Variants in WDR27 observed in about 807,000 individuals in gnomAD.
WDR27 encodes the protein WD repeat-containing protein 27.
WDR27 carries 100 observed loss-of-function variants against 114.4 expected under a neutral mutation model. The observed-to-expected ratio is 0.87, with a 90% CI of 0.74 to 1.03. The LOEUF is 1.03. Ranked by LOEUF, WDR27 falls within the 50% of genes least tolerant of loss-of-function variation. The probability of loss-of-function intolerance (pLI) is 0.00; values close to 1 mark genes in which losing one functional copy is unlikely to be tolerated. For missense variants in WDR27, 1,129 were observed against 1,092.9 expected, an observed-to-expected ratio of 1.03 and a Z score of -0.47; for synonymous variants, 449 against 423.1, an observed-to-expected ratio of 1.06 and a Z score of -0.75.
chr6:169,681,633 C>T (rs999078518), intron 2 of WDR27, among the ~76,000 whole-genome samples: 1 of 152,226 alleles, frequency 6.6e-6, no homozygotes, highest in Non-Finnish European at 1.5e-5. Context: ...GGCTCATCTG[C>T]CTGTTGACAA....
In WDR27 at chr6:169,580,933, T is replaced by TTATATATATA. The variant is rs1220748162; in HGVS notation, c.2523+1893_2523+1902dup. Among the ~76,000 whole-genome samples, 128 of 53,656 alleles carry TTATATATATA rather than the reference T, an allele frequency of 2.4e-3. 3 individuals are homozygous for TTATATATATA. In the East Asian group the frequency reaches 0.035, roughly 15 times the overall value. 35.2% of individuals were successfully genotyped at this position (53,656 alleles called of 152,430 possible). ...TTAAAAATAAGGAACTTAGTGAATT[T>TTATATATATA]TATATATATATATATATATACATAT... On this transcript the variant is annotated intron_variant, in intron 24 of 25. Coordinates refer to ENST00000448612, the MANE Select transcript of WDR27 (RefSeq NM_182552.5).
chr6:169,548,712 A>C (rs1797749015), intron 25 of WDR27, among the ~76,000 whole-genome samples: 1 of 152,208 alleles, frequency 6.6e-6, no homozygotes, highest in Admixed American at 6.5e-5. Flanking sequence ...CAAACAGAAC[A>C]ATGGAACAGA....
chr6:169,513,807 CTGCCAATCCCTG>C (rs1430056859), intron 25 of WDR27, among the ~76,000 whole-genome samples: 1 of 151,728 alleles, frequency 6.6e-6, no homozygotes, highest in Non-Finnish European at 1.5e-5. Context: ...CTGTCTACCT[CTGCCAATCCCTG>C]TGCCAATAGA....
chr6:169,669,864 T>A (rs1297131058), intron 4 of WDR27: 1 of 152,156 alleles, frequency 6.6e-6, no homozygotes, highest in Non-Finnish European at 1.5e-5. Context: ...ATGAGGCCCA[T>A]GAGAACCAAT....
At chr6:169,517,974 C>G (rs935572132) in intron 25 of WDR27, among the ~76,000 whole-genome samples, 1 of 152,182 alleles carries the variant, frequency 6.6e-6, no homozygotes. Context: ...AACTTTGAAA[C>G]CCAGCAAGGC....
Position 169,658,052 on chromosome 6 carries a change from T to C in WDR27, c.1402+224A>G, listed in dbSNP as rs1824747811. 6.6e-6 allele frequency: 3 copies of C among 454,622 alleles called. No homozygotes were observed. The Admixed American group carries it at 8.9e-5, about 14-fold the overall frequency. 28.2% of individuals were successfully genotyped at this position (454,622 alleles called of 1,614,324 possible). A position where few individuals can be genotyped will look rare whatever the true frequency, so the allele number is the denominator to read the frequency against. ...GGTCAGTCTTGGGCACGTTGCTGAATCCCATGAGTGATGGCCAATTCAGGA... is the reference window on the plus strand; with the variant it reads ...GGTCAGTCTTGGGCACGTTGCTGAACCCCATGAGTGATGGCCAATTCAGGA... On this transcript the variant is annotated intron_variant, in intron 13 of 25. Transcript: ENST00000448612.
intron 9 of WDR27, 136 bp downstream of exon 9, chr6:169,662,168 G>T: frequency 1.1e-6 from 1 of 887,932 alleles, no homozygotes. Context: ...GCAATCCCAA[G>T]AATGAAGTTA....
chr6:169,562,852 G>A (rs895683701), intron 25 of WDR27, among the ~76,000 whole-genome samples: 6 of 152,296 alleles, frequency 3.9e-5, no homozygotes, highest in East Asian at 3.9e-4. Flanking sequence ...GCTTGCAGGA[G>A]GGCTCCACGG....
At chr6:169,470,788 C>T (rs1293460740) in intron 25 of WDR27, among the ~76,000 whole-genome samples, 1 of 152,146 alleles carries the variant, frequency 6.6e-6, no homozygotes, top group Non-Finnish European at 1.5e-5. Flanking sequence ...GGGGCTAGAA[C>T]TTCAACATAA....
chr6:169,631,000 G>C (rs1240607732), intron 21 of WDR27, among the ~76,000 whole-genome samples: 1 of 152,198 alleles, frequency 6.6e-6, no homozygotes, highest in Non-Finnish European at 1.5e-5. Flanking sequence ...GAAATTAGTA[G>C]TATCAGATCA....
intron 25 of WDR27, among the ~76,000 whole-genome samples, chr6:169,461,577 C>T (rs537412083): frequency 9.3e-5 from 14 of 150,194 alleles, no homozygotes; most frequent in African/African-American, 3.4e-4. Context: ...AAATAACACA[C>T]CATGCAAAAA....
At chr6:169,524,671 G>T (rs1342454179) in intron 25 of WDR27, among the ~76,000 whole-genome samples, 1 of 152,138 alleles carries the variant, frequency 6.6e-6, no homozygotes, top group East Asian at 1.9e-4. Flanking sequence ...GCAAAAAGTT[G>T]CAATGGAGAA....
intron 23 of WDR27, among the ~76,000 whole-genome samples, chr6:169,586,580 C>T (rs1173506373): frequency 1.3e-5 from 2 of 151,984 alleles, no homozygotes; most frequent in Admixed American, 6.5e-5. Context: ...CAGTCATGGC[C>T]GGGCACGGTG....
chr6:169,614,596 G>A (rs1226735222), intron 21 of WDR27, among the ~76,000 whole-genome samples: 15 of 151,744 alleles, frequency 9.9e-5, no homozygotes, highest in Admixed American at 7.2e-4. Flanking sequence ...ACTGAGGCAG[G>A]AGAATCGCTT....
In WDR27 at chr6:169,612,631, T is replaced by TTAA. The variant is rs556504417; in HGVS notation, c.2321+927_2321+928insTTA. Among the ~76,000 whole-genome samples the TTAA allele has an allele frequency of 1.6e-4, 16 of 97,032 alleles. 1 individual carries two copies. Among genetic ancestry groups the TTAA allele is most frequent in the African/African-American group, 6.2e-4 (15 of 24,186 alleles). The allele number at this position is 97,032 out of a possible 152,430, so 63.7% of individuals were successfully genotyped here. A position where few individuals can be genotyped will look rare whatever the true frequency, so the allele number is the denominator to read the frequency against. On this transcript the variant is annotated intron_variant, in intron 22 of 25. Transcript: ENST00000448612. ...TGACAGAGCGAGACTCTGTCTAACA[T>TTAA]AAAAAAAAAAAAAAAAAAAAAAGCA...
the WDR27 span, among the ~76,000 whole-genome samples, chr6:169,437,563 G>T: frequency 6.6e-6 from 1 of 151,972 alleles, no homozygotes; most frequent in African/African-American, 2.4e-5. Context: ...AAGCTTTTCA[G>T]ACCCATATCT....
chr6:169,663,114 C>T (rs4716339), intron 8 of WDR27, among the ~76,000 whole-genome samples: 25,435 of 151,962 alleles, frequency 0.17, 2,742 homozygotes, highest in East Asian at 0.29. Context: ...CCCAGCATGA[C>T]GCTACCTGGG....
chr6:169,633,102 A>C (rs751622926), intron 20 of WDR27, 34 bp from the exon 21 acceptor site: 1 of 1,558,814 alleles, frequency 6.4e-7, no homozygotes, highest in Non-Finnish European at 8.8e-7. Flanking sequence ...TCTTCTCAAC[A>C]CTCTTACCCA....
chr6:169,458,214 T>A (rs1338386029), intron 25 of WDR27, among the ~76,000 whole-genome samples: 4 of 152,174 alleles, frequency 2.6e-5, no homozygotes, highest in African/African-American at 9.7e-5. Flanking sequence ...CCCACCCTCA[T>A]GCACACCTTT....
Sources: gnomAD v4.1 joint callset for allele counts (sites outside exome capture counted in the v4.1 genomes callset) on GRCh38, gnomAD v4.1.1 for gene constraint, MANE v1.5 for transcripts, NCBI Gene and HGNC (gene_info 2026-07-23, HGNC 2026-07-21) for gene names.